The following ZSCAN20 variants were observed in gnomAD, a reference collection of about 807,000 sequenced individuals.
The protein encoded by ZSCAN20 is zinc finger and SCAN domain-containing protein 20.
A neutral mutation model predicts 97.1 loss-of-function variants in ZSCAN20; 39 were observed. The observed-to-expected ratio is 0.40, with a 90% CI of 0.31 to 0.52. The LOEUF is 0.52. ZSCAN20 is among the 20% of genes least tolerant of loss of function. The probability of loss-of-function intolerance (pLI) is 0.49; values close to 1 mark genes in which losing one functional copy is unlikely to be tolerated. For missense variants in ZSCAN20, 1,115 were observed against 1,290.4 expected (o/e 0.86, Z 2.08); for synonymous variants, 456 against 467.3 (o/e 0.98, Z 0.31).
At position 33,488,469 on chromosome 1, in the gene ZSCAN20, T is replaced by A; in HGVS notation, c.422T>A (p.Leu141Gln). 6.2e-7 allele frequency: 1 copy of A among 1,611,310 alleles called. No individual in the cohort carries two copies. The highest frequency in any genetic ancestry group is 2.2e-5 in the East Asian group (1 of 44,790). The change falls in exon 3 of 8, where the codon CTG becomes CAG. Residue 141 changes from leucine (L) to glutamine (Q), a missense_variant. Transcript: ENST00000684572. ...ATTTTGACTATTTGTGTGTAGGGAC[T>A]GGAATTGCATACAGAAGAGACCAGG... ...RETRTAGQSG[L>Q]ELHTEETRPL...
Position 33,493,084 on chromosome 1 carries a change from A to T in ZSCAN20, c.1445-103A>T. On this transcript the variant is annotated intron_variant, in intron 6 of 7. Transcript: ENST00000684572. The surrounding 1 kb of genome is among the most constrained non-coding windows in gnomAD (Gnocchi z 4.3). ...TCCAGGTACCTGGATAGTTTCTGAC[A>T]TGCCTATGTTCTAGGTATTTTGAAG... 8.3e-7 allele frequency: 1 copy of T among 1,204,812 alleles called. No individual in the cohort carries two copies. The highest frequency in any genetic ancestry group is 1.2e-6 in the Non-Finnish European group (1 of 855,692). 74.6% of individuals were successfully genotyped at this position (1,204,812 alleles called of 1,614,324 possible).
At chr1:33,476,771 A>G (rs1226925298) in intron 1 of ZSCAN20, among the ~76,000 whole-genome samples, 2 of 152,256 alleles carry the variant, frequency 1.3e-5, no homozygotes, top group Non-Finnish European at 2.9e-5. Flanking sequence ...AAATTTCATG[A>G]AAGGCAAAAT....
rs1335660352 is a variant in ZSCAN20, at chr1:33,501,439, A to G, written c.*5963A>G. Among the ~76,000 whole-genome samples the G allele has an allele frequency of 6.6e-6, 1 of 152,172 alleles. No homozygotes were observed. Among genetic ancestry groups the G allele is most frequent in the African/African-American group, 2.4e-5 (1 of 41,432 alleles). On this transcript the variant is annotated 3_prime_UTR_variant, in exon 8 of 8. Transcript: ENST00000684572. ...AGGAGCCTCAGGGATTTAATGTCCA[A>G]TTCTAAAACCTGAACAGGCCCTTTT...
chr1:33,476,435 A>T (rs1027490413), intron 1 of ZSCAN20, among the ~76,000 whole-genome samples: 8 of 152,222 alleles, frequency 5.3e-5, no homozygotes, highest in Non-Finnish European at 1.0e-4. Flanking sequence ...AATACCTATT[A>T]TCTGAGACTC....
intron 2 of ZSCAN20, among the ~76,000 whole-genome samples, chr1:33,486,893 C>T (rs1652388537): frequency 6.6e-6 from 1 of 152,084 alleles, no homozygotes; most frequent in African/African-American, 2.4e-5. Flanking sequence ...TATATGTCTT[C>T]TCAATGGTAA....
chr1:33,490,650 AACACACAC>A (rs372552175), intron 5 of ZSCAN20, among the ~76,000 whole-genome samples: 1 of 141,202 alleles, frequency 7.1e-6, no homozygotes, highest in Non-Finnish European at 1.5e-5. Context: ...TACACACACA[AACACACAC>A]ACACACACAC....
chr1:33,489,247 C>T, intron 4 of ZSCAN20, 56 bp downstream of exon 4: 1 of 1,537,350 alleles, frequency 6.5e-7, no homozygotes, highest in Non-Finnish European at 9.0e-7. Context: ...GCTCTTGCCC[C>T]CACAGTGTTC....
At chr1:33,479,032 T>G in intron 1 of ZSCAN20, 147 bp from the exon 2 acceptor site, 5 of 374,968 alleles carry the variant, frequency 1.3e-5, no homozygotes, top group Non-Finnish European at 2.4e-5. Context: ...TGGTGCCAGA[T>G]TGTGGCCTTA....
At position 33,500,083 on chromosome 1, in the gene ZSCAN20, C is replaced by T. The variant is rs191737286; in HGVS notation, c.*4607C>T. ...CACTGGATCCTTTTCCCCCACAGCT[C>T]CTGGCTGTTTCTTCACACTCCCAGC... On this transcript the variant is annotated 3_prime_UTR_variant, in exon 8 of 8. Coordinates refer to ENST00000684572, the MANE Select transcript of ZSCAN20 (RefSeq NM_001377376.1). Among the ~76,000 whole-genome samples the T allele has an allele frequency of 1.3e-5, 2 of 152,266 alleles. No individual in the cohort carries two copies. Among genetic ancestry groups the T allele is most frequent in the East Asian group, 1.9e-4 (1 of 5,180 alleles).
At chr1:33,480,079 G>A (rs1004775427) in intron 2 of ZSCAN20, among the ~76,000 whole-genome samples, 6 of 152,260 alleles carry the variant, frequency 3.9e-5, no homozygotes, top group Middle Eastern at 3.4e-3. Context: ...TCCCACTACC[G>A]TATTCACAAT....
intron 1 of ZSCAN20, among the ~76,000 whole-genome samples, chr1:33,475,607 T>C (rs906309647): frequency 2.0e-5 from 3 of 152,102 alleles, no homozygotes; most frequent in African/African-American, 7.2e-5. Flanking sequence ...CTCGAACAGA[T>C]AGTGAACGCA....
At position 33,495,009 on chromosome 1, in the gene ZSCAN20, G is replaced by T. The variant is rs1652799073; in HGVS notation, c.2665G>T (p.Ala889Ser). Reference protein sequence around the residue: ...ECGRSFSKSSALISHQRIHTG... With the variant: ...ECGRSFSKSSSLISHQRIHTG... ...TGGAAGAAGCTTCTCTAAGAGCTCT[G>T]CCCTCATTAGTCACCAAAGAATCCA... Residue 889 changes from alanine (A) to serine (S), a missense_variant, in exon 8 of 8, where the codon GCC becomes TCC. Transcript: ENST00000684572. The T allele has an allele frequency of 6.2e-7, 1 of 1,613,902 alleles. No homozygotes were observed. Among genetic ancestry groups the T allele is most frequent in the African/African-American group, 1.3e-5 (1 of 74,894 alleles).
Position 33,499,454 on chromosome 1 carries a change from A to C in ZSCAN20, c.*3978A>C, listed in dbSNP as rs1314635007. On this transcript the variant is annotated 3_prime_UTR_variant, in exon 8 of 8. Transcript: ENST00000684572. Reference sequence around the variant, plus strand: ...CTCTTAGGATCCCAGCTGCCTGCCAACCAGCTGTGCTTGGGTGACTCCTGG... The same window carrying C: ...CTCTTAGGATCCCAGCTGCCTGCCACCCAGCTGTGCTTGGGTGACTCCTGG... 6.6e-6 allele frequency among the ~76,000 whole-genome samples: 1 copy of C among 151,738 alleles called. No homozygotes were observed. The highest frequency in any genetic ancestry group is 6.6e-5 in the Admixed American group (1 of 15,240).
In ZSCAN20 at chr1:33,494,987, A is replaced by G. The variant is rs1194684801; in HGVS notation, c.2643A>G (p.Gly881=). The G allele has an allele frequency of 6.2e-7, 1 of 1,614,010 alleles. No homozygotes were observed. The highest frequency in any genetic ancestry group is 8.5e-7 in the Non-Finnish European group (1 of 1,180,008). ...AACTTTATGAGTGTTCTGAATGTGG[A>G]AGAAGCTTCTCTAAGAGCTCTGCCC... ...GEKLYECSEC[G]RSFSKSSALI... is the part of the protein sequence containing the mutation. The change falls in exon 8 of 8, where the codon GGA becomes GGG. Residue 881 remains glycine (G), a synonymous_variant. Coordinates refer to ENST00000684572, the MANE Select transcript of ZSCAN20 (RefSeq NM_001377376.1).
rs1652921748 is a variant in ZSCAN20 at position 33,497,632 on chromosome 1, C to G, written c.*2156C>G. Among the ~76,000 whole-genome samples the G allele has an allele frequency of 1.3e-5, 2 of 152,074 alleles. No homozygotes were observed. The highest frequency in any genetic ancestry group is 1.3e-4 in the Admixed American group (2 of 15,274). ...GACAGCTGAATGGAACTTGGACATG[C>G]TGCAATTAGGATGGCCTTTTGGGAC... is the stretch of plus-strand genomic sequence containing the variant. On this transcript the variant is annotated 3_prime_UTR_variant, in exon 8 of 8. Transcript: ENST00000684572.
At position 33,497,296 on chromosome 1, in the gene ZSCAN20, C is replaced by T. The variant is rs181683565; in HGVS notation, c.*1820C>T. On this transcript the variant is annotated 3_prime_UTR_variant, in exon 8 of 8. Coordinates refer to ENST00000684572, the MANE Select transcript of ZSCAN20 (RefSeq NM_001377376.1). Reference sequence around the variant, plus strand: ...CCTTTTCTGGCCCACGTTATCTCTGCGGGGCAGGGGTCATGGGATGAACCC... The same window carrying T: ...CCTTTTCTGGCCCACGTTATCTCTGTGGGGCAGGGGTCATGGGATGAACCC... 1.1e-4 allele frequency among the ~76,000 whole-genome samples: 16 copies of T among 152,258 alleles called. No homozygotes were observed. The East Asian group carries it at 2.1e-3, about 20-fold the overall frequency.
Position 33,493,058 on chromosome 1 carries a change from C to A in ZSCAN20, c.1445-129C>A. 1 of 952,306 alleles carries A rather than the reference C, an allele frequency of 1.1e-6. No homozygotes were observed. Among genetic ancestry groups the A allele is most frequent in the Non-Finnish European group, 1.5e-6 (1 of 647,708 alleles). The allele number at this position is 952,306 out of a possible 1,614,324, so 59.0% of individuals were successfully genotyped here. A position where few individuals can be genotyped will look rare whatever the true frequency, so the allele number is the denominator to read the frequency against. Reference sequence around the variant, plus strand: ...TGCCCCTGAGAAGCAAAGGGATATTCTCCAGGTACCTGGATAGTTTCTGAC... The same window carrying A: ...TGCCCCTGAGAAGCAAAGGGATATTATCCAGGTACCTGGATAGTTTCTGAC... On this transcript the variant is annotated intron_variant, in intron 6 of 7. Coordinates refer to ENST00000684572, the MANE Select transcript of ZSCAN20 (RefSeq NM_001377376.1). This position sits in a 1 kb window ranked among gnomAD's most constrained non-coding sequence, Gnocchi z 4.3.
At chr1:33,489,659 C>G in intron 5 of ZSCAN20, 57 bp downstream of exon 5, 1 of 1,527,202 alleles carries the variant, frequency 6.5e-7, no homozygotes, top group Non-Finnish European at 9.1e-7. Context: ...CACCCAGTTC[C>G]CAAAGAGGGT....
At chr1:33,474,634 G>A (rs1373378496) in intron 1 of ZSCAN20, among the ~76,000 whole-genome samples, 1 of 152,198 alleles carries the variant, frequency 6.6e-6, no homozygotes, top group Non-Finnish European at 1.5e-5. Flanking sequence ...AATCTAAGTG[G>A]CAAAGCGACA....
Sources: gnomAD v4.1 joint callset for allele counts (sites outside exome capture counted in the v4.1 genomes callset) on GRCh38, gnomAD v4.1.1 for gene constraint, Gnocchi (gnomAD v3.1) non-coding constraint, MANE v1.5 for transcripts, NCBI Gene and HGNC (gene_info 2026-07-23, HGNC 2026-07-21) for gene names.